Variants in SPINT2 observed in about 807,000 individuals in gnomAD.
The protein encoded by SPINT2 is serine peptidase inhibitor, Kunitz type 2.
SPINT2 carries 18 observed loss-of-function variants against 30.1 expected under a neutral mutation model. The observed-to-expected ratio is 0.60, with a 90% CI of 0.41 to 0.89. The LOEUF (loss-of-function observed/expected upper bound fraction) is 0.89, where lower values mean the gene tolerates loss of function less well. Among genes scored for constraint, SPINT2 ranks in the 40% least tolerant of loss-of-function variants. SPINT2 has a pLI of 0.00. For synonymous variants in SPINT2, 139 were observed against 137.9 expected (o/e 1.01, Z -0.05); for missense variants, 276 against 334.3 (o/e 0.83, Z 1.36).
intron 2 of SPINT2, among the ~76,000 whole-genome samples, chr19:38,286,414 C>T (rs972942181): frequency 6.6e-6 from 1 of 152,156 alleles, no homozygotes. Flanking sequence ...TCAGGCTAGG[C>T]CAGGCCCGAG....
rs114063637 is a variant in SPINT2, at chr19:38,285,369, T to C, written c.277+1572T>C. Among the ~76,000 whole-genome samples, 329 of 152,256 alleles carry C rather than the reference T, an allele frequency of 2.2e-3. 3 individuals carry two copies. The highest frequency in any genetic ancestry group is 7.6e-3 in the African/African-American group (317 of 41,536). The stretch of plus-strand genomic sequence containing the variant: ...AAAGATTTTCACTTTTTTCTTTTTT[T>C]CTCGCTTAGTCGCCTACCAGGCTGG... On this transcript the variant is annotated intron_variant, in intron 2 of 6. Transcript: ENST00000301244.
chr19:38,290,799 C>T lies in SPINT2; in HGVS notation c.592+224C>T, dbSNP rs1054030076. On this transcript the variant is annotated intron_variant, in intron 6 of 6. Coordinates refer to ENST00000301244, the MANE Select transcript of SPINT2 (RefSeq NM_021102.4). This position sits in a 1 kb window ranked among gnomAD's most constrained non-coding sequence, Gnocchi z 4.3. ...AGTCACAAGGCAGGCCCTGCCCAGGCGGCGTGGGTGACTGGGGATGAGGTC... is the reference window on the plus strand; with the variant it reads ...AGTCACAAGGCAGGCCCTGCCCAGGTGGCGTGGGTGACTGGGGATGAGGTC... The T allele has an allele frequency of 1.7e-5, 11 of 654,608 alleles. No homozygotes were observed. Among genetic ancestry groups the T allele is most frequent in the Middle Eastern group, 3.5e-4 (1 of 2,840 alleles). The allele number at this position is 654,608 out of a possible 1,614,324, so 40.5% of individuals were successfully genotyped here. A position where few individuals can be genotyped will look rare whatever the true frequency, so the allele number is the denominator to read the frequency against.
At chr19:38,287,112 C>T (rs141488385) in intron 2 of SPINT2, among the ~76,000 whole-genome samples, 18,700 of 151,748 alleles carry the variant, frequency 0.12, 1,377 homozygotes, top group South Asian at 0.22. Flanking sequence ...CAACCTCTGC[C>T]TCCCAGGTTC....
At chr19:38,269,913 A>G (rs1188091890) in intron 1 of SPINT2, among the ~76,000 whole-genome samples, 1 of 152,174 alleles carries the variant, frequency 6.6e-6, no homozygotes, top group Non-Finnish European at 1.5e-5. Context: ...CCGGCCTGAG[A>G]TGGGATTTCA....
At chr19:38,275,775 C>G (rs907859207) in intron 1 of SPINT2, among the ~76,000 whole-genome samples, 13 of 146,678 alleles carry the variant, frequency 8.9e-5, no homozygotes, top group African/African-American at 3.3e-4. Flanking sequence ...CTCTTGTTGC[C>G]CAGGCTGGAG....
intron 1 of SPINT2, 95 bp downstream of exon 1, chr19:38,265,093 A>G: frequency 2.1e-6 from 2 of 948,022 alleles, no homozygotes; most frequent in Non-Finnish European, 3.0e-6. Context: ...CGGGGGAGGA[A>G]ACTGGGGGCT....
chr19:38,275,791 T>C (rs1968510972), intron 1 of SPINT2, among the ~76,000 whole-genome samples: 1 of 148,824 alleles, frequency 6.7e-6, no homozygotes. Flanking sequence ...TGGAGTGCAA[T>C]GGATCAGCTC....
chr19:38,272,515 A>G (rs1968469245), intron 1 of SPINT2, among the ~76,000 whole-genome samples: 1 of 152,208 alleles, frequency 6.6e-6, no homozygotes, highest in Non-Finnish European at 1.5e-5. Context: ...GCACAAGGTA[A>G]AGAATGGCTG....
intron 2 of SPINT2, among the ~76,000 whole-genome samples, chr19:38,286,287 C>T (rs575761482): frequency 3.9e-5 from 6 of 152,228 alleles, no homozygotes; most frequent in East Asian, 1.9e-4. Flanking sequence ...CTCGTGTCCC[C>T]GGGCCCACGC....
chr19:38,274,474 T>C (rs1440855176), intron 1 of SPINT2, among the ~76,000 whole-genome samples: 2 of 152,170 alleles, frequency 1.3e-5, no homozygotes, highest in African/African-American at 4.8e-5. Flanking sequence ...GTGTTTTTAA[T>C]GAAAAGAGGA....
intron 1 of SPINT2, among the ~76,000 whole-genome samples, chr19:38,266,447 G>A (rs938461840): frequency 1.3e-4 from 19 of 151,884 alleles, no homozygotes; most frequent in Non-Finnish European, 1.8e-4. Context: ...AGGCCAAGGC[G>A]GGCAGATCAC....
chr19:38,286,693 G>T (rs1243767653), intron 2 of SPINT2, among the ~76,000 whole-genome samples: 1 of 152,220 alleles, frequency 6.6e-6, no homozygotes, highest in African/African-American at 2.4e-5. Context: ...TGAGGCAGGA[G>T]AATGGTGTGA....
rs534626833 is a variant in SPINT2 at position 38,269,703 on chromosome 19, T to C, written c.106+4705T>C. Among the ~76,000 whole-genome samples, 112 of 150,106 alleles carry C rather than the reference T, an allele frequency of 7.5e-4. 1 individual carries two copies. The highest frequency in any genetic ancestry group is 2.5e-3 in the African/African-American group (100 of 40,814). ...TCGGCTCACTGCAAGCTCCGCCTCC[T>C]GGGTTCACACCATTCTCCTGCCTCA... On this transcript the variant is annotated intron_variant, in intron 1 of 6. Coordinates refer to ENST00000301244, the MANE Select transcript of SPINT2 (RefSeq NM_021102.4).
chr19:38,274,710 G>C (rs554580038), intron 1 of SPINT2, among the ~76,000 whole-genome samples: 1 of 152,178 alleles, frequency 6.6e-6, no homozygotes, highest in East Asian at 1.9e-4. Context: ...TAGCTACTCA[G>C]GAGGCTGAGG....
At chr19:38,284,086 C>T (rs1057175494) in intron 2 of SPINT2, among the ~76,000 whole-genome samples, 1 of 152,032 alleles carries the variant, frequency 6.6e-6, no homozygotes, top group South Asian at 2.1e-4. Flanking sequence ...TGTGATCTGC[C>T]TGCCTCAGCC....
At chr19:38,267,571 T>C (rs1600330413) in intron 1 of SPINT2, among the ~76,000 whole-genome samples, 1 of 150,384 alleles carries the variant, frequency 6.6e-6, no homozygotes. Flanking sequence ...CAGTGGGTAG[T>C]GAGTGAGATG....
Position 38,264,587 on chromosome 19 carries a change from C to A in SPINT2, c.-306C>A, listed in dbSNP as rs1404402624. 1 of 321,618 alleles carries A rather than the reference C, an allele frequency of 3.1e-6. No homozygotes were observed. The allele number at this position is 321,618 out of a possible 1,614,324, so 19.9% of individuals were successfully genotyped here. ...AATAGGCGTTCGCCATTGGCTCTGG[C>A]GACCTCCGCGCGTTGGGAGGTGTAG... On this transcript the variant is annotated 5_prime_UTR_variant, in exon 1 of 7. Coordinates refer to ENST00000301244, the MANE Select transcript of SPINT2 (RefSeq NM_021102.4).
intron 1 of SPINT2, among the ~76,000 whole-genome samples, chr19:38,281,903 T>C (rs1303904800): frequency 1.3e-5 from 2 of 152,186 alleles, no homozygotes; most frequent in Non-Finnish European, 2.9e-5. Flanking sequence ...ACTTCCTGTG[T>C]CTATTGATTT....
chr19:38,268,342 C>T (rs1318819491), intron 1 of SPINT2, among the ~76,000 whole-genome samples: 3 of 152,134 alleles, frequency 2.0e-5, no homozygotes, highest in East Asian at 3.8e-4. Flanking sequence ...GGACAGTTAC[C>T]GTCTGGAGTG....
Sources: gnomAD v4.1 joint callset for allele counts (sites outside exome capture counted in the v4.1 genomes callset) on GRCh38, gnomAD v4.1.1 for gene constraint, Gnocchi (gnomAD v3.1) non-coding constraint, MANE v1.5 for transcripts, NCBI Gene and HGNC (gene_info 2026-07-23, HGNC 2026-07-21) for gene names.